Variants in BCAS3 observed in about 807,000 individuals in gnomAD.
BCAS3 encodes the protein BCAS4/BCAS3 fusion.
In BCAS3, 53 loss-of-function variants were observed where a neutral mutation model predicts 116.1. That is an observed-to-expected ratio of 0.46 (90% CI 0.37 to 0.57). The LOEUF (loss-of-function observed/expected upper bound fraction) is 0.57. Ranked by LOEUF, BCAS3 falls within the 20% of genes least tolerant of loss-of-function variation. The probability of loss-of-function intolerance (pLI) is 0.00; values close to 1 mark genes in which losing one functional copy is unlikely to be tolerated. For missense variants in BCAS3, 917 were observed against 1,165.4 expected (o/e 0.79, Z 3.10); for synonymous variants, 391 against 408.2 (o/e 0.96, Z 0.51).
chr17:61,051,379 TGGAGGTTACACC>T lies in BCAS3; in HGVS notation c.2029+10488_2029+10499del, dbSNP rs2068842319. On this transcript the variant is annotated intron_variant, in intron 19 of 23. Coordinates refer to ENST00000407086, the MANE Select transcript of BCAS3 (RefSeq NM_017679.5). This position sits in a 1 kb window ranked among gnomAD's most constrained non-coding sequence, Gnocchi z 4.1. ...GGACAGTTCTGTATCTTGATTGTAG[TGGAGGTTACACC>T]AATTTACACATGTGATAAAATTGAA... 6.6e-6 allele frequency among the ~76,000 whole-genome samples: 1 copy of T among 152,150 alleles called. No homozygotes were observed. Among genetic ancestry groups the T allele is most frequent in the Admixed American group, 6.5e-5 (1 of 15,272 alleles).
At chr17:61,178,734 T>C (rs997988061) in intron 22 of BCAS3, among the ~76,000 whole-genome samples, 5 of 152,178 alleles carry the variant, frequency 3.3e-5, no homozygotes, top group African/African-American at 4.8e-5. Flanking sequence ...ATTTATCAAA[T>C]AGAGGTGGGA....
At chr17:60,948,737 T>C (rs978868514) in intron 14 of BCAS3, among the ~76,000 whole-genome samples, 3 of 152,240 alleles carry the variant, frequency 2.0e-5, no homozygotes, top group African/African-American at 7.2e-5. Context: ...TATTAGGCAT[T>C]ACTCTAGGTT....
chr17:60,680,327 T>C (rs1444865104), intron 2 of BCAS3, among the ~76,000 whole-genome samples: 1 of 152,172 alleles, frequency 6.6e-6, no homozygotes, highest in Non-Finnish European at 1.5e-5. Context: ...GTTTGTTATA[T>C]AGGGAAACTC....
intron 22 of BCAS3, among the ~76,000 whole-genome samples, chr17:61,092,587 G>A (rs1007670368): frequency 5.3e-5 from 8 of 152,126 alleles, no homozygotes; most frequent in Non-Finnish European, 1.0e-4. Context: ...ACTATGGTTT[G>A]AATTTGCTTT....
At chr17:61,242,972 T>C (rs2047649259) in intron 22 of BCAS3, among the ~76,000 whole-genome samples, 1 of 151,798 alleles carries the variant, frequency 6.6e-6, no homozygotes, top group African/African-American at 2.4e-5. Context: ...AGTGCAATGG[T>C]GCGATCTCGG....
At chr17:61,176,172 AAG>A (rs1345444367) in intron 22 of BCAS3, among the ~76,000 whole-genome samples, 2 of 150,004 alleles carry the variant, frequency 1.3e-5, no homozygotes, top group African/African-American at 2.4e-5. Flanking sequence ...GAAAAAGAAA[AAG>A]AAAAAATTTG....
intron 22 of BCAS3, among the ~76,000 whole-genome samples, chr17:61,085,851 T>C (rs2073051913): frequency 6.6e-6 from 1 of 152,238 alleles, no homozygotes; most frequent in Non-Finnish European, 1.5e-5. Context: ...TTTGGAATGA[T>C]CGTTTACAAT....
chr17:61,072,944 C>T (rs1484642315), intron 19 of BCAS3, among the ~76,000 whole-genome samples: 1 of 152,120 alleles, frequency 6.6e-6, no homozygotes, highest in Non-Finnish European at 1.5e-5. Context: ...GCTTTCCAGC[C>T]TCTACATATT....
At position 61,214,307 on chromosome 17, in the gene BCAS3, C is replaced by T. The variant is rs181431149; in HGVS notation, c.2425+129743C>T. ...GTTTGAACCTGGGAGGTGGAGGTTG[C>T]GGTGAGCTGAGATCATGCCATTGCA... On this transcript the variant is annotated intron_variant, in intron 22 of 23. Transcript: ENST00000407086. The surrounding 1 kb of genome is among the most constrained non-coding windows in gnomAD (Gnocchi z 4.4). Among the ~76,000 whole-genome samples the T allele has an allele frequency of 7.2e-5, 11 of 151,998 alleles. No homozygotes were observed. Among genetic ancestry groups the T allele is most frequent in the Middle Eastern group, 3.4e-3 (1 of 294 alleles).
rs2049052917 is a variant in BCAS3 at position 61,259,859 on chromosome 17, G to C, written c.2426-108468G>C. ...TTTGCCATAAGGCATGTCACTCTGT[G>C]GCATCTTACTGAATAGGATATGCTT... On this transcript the variant is annotated intron_variant, in intron 22 of 23. Transcript: ENST00000407086. The surrounding 1 kb of genome is among the most constrained non-coding windows in gnomAD (Gnocchi z 4.7). Among the ~76,000 whole-genome samples, 1 of 152,120 alleles carries C rather than the reference G, an allele frequency of 6.6e-6. No individual in the cohort carries two copies. The highest frequency in any genetic ancestry group is 1.5e-5 in the Non-Finnish European group (1 of 68,022).
intron 7 of BCAS3, among the ~76,000 whole-genome samples, chr17:60,815,285 G>C (rs1012090291): frequency 6.6e-6 from 1 of 152,038 alleles, no homozygotes; most frequent in Non-Finnish European, 1.5e-5. Context: ...CACACACCGG[G>C]GCCTGTCATG....
Position 61,235,165 on chromosome 17 carries a change from G to A in BCAS3, c.2426-133162G>A, listed in dbSNP as rs558927123. Among the ~76,000 whole-genome samples, 1 of 152,128 alleles carries A rather than the reference G, an allele frequency of 6.6e-6. No individual in the cohort carries two copies. Among genetic ancestry groups the A allele is most frequent in the Admixed American group, 6.5e-5 (1 of 15,274 alleles). On this transcript the variant is annotated intron_variant, in intron 22 of 23. Coordinates refer to ENST00000407086, the MANE Select transcript of BCAS3 (RefSeq NM_017679.5). This position sits in a 1 kb window ranked among gnomAD's most constrained non-coding sequence, Gnocchi z 5.0. ...GTCTTCCAAAGTGCTGGGATTATAG[G>A]CGTGAACCACCACGCCTGGCTGTCT...
chr17:60,889,705 A>T lies in BCAS3; in HGVS notation c.672A>T (p.Pro224=). ...TKKFFVTSCY[P]CPGPNMNPIA... ...TTTGAAATTTTTCAGGCTGCTATCC[A>T]TGTCCAGGGCCAAACATGAATCCTA... Residue 224 remains proline (P), a synonymous_variant, in exon 10 of 24, where the codon CCA becomes CCT. Transcript: ENST00000407086. 6.2e-7 allele frequency: 1 copy of T among 1,613,218 alleles called. No individual in the cohort carries two copies. The highest frequency in any genetic ancestry group is 8.5e-7 in the Non-Finnish European group (1 of 1,179,834).
intron 19 of BCAS3, among the ~76,000 whole-genome samples, chr17:61,060,003 AGAAG>A (rs764819581): frequency 8.5e-5 from 13 of 152,184 alleles, no homozygotes; most frequent in African/African-American, 1.2e-4. Context: ...AATGAAAGAA[AGAAG>A]GGAGTGAGGA....
intron 14 of BCAS3, among the ~76,000 whole-genome samples, chr17:60,971,435 A>G (rs1227144477): frequency 6.6e-6 from 1 of 152,222 alleles, no homozygotes; most frequent in African/African-American, 2.4e-5. Flanking sequence ...ATGAATGGGC[A>G]CAGTTGGCCC....
intron 18 of BCAS3, 64 bp downstream of exon 18, chr17:61,038,118 A>T: frequency 1.4e-6 from 2 of 1,457,410 alleles, no homozygotes; most frequent in South Asian, 2.6e-5. Flanking sequence ...TTAAAAGCGT[A>T]TAATTTGATA....
intron 21 of BCAS3, among the ~76,000 whole-genome samples, chr17:61,079,106 T>G (rs2143494156): frequency 6.6e-6 from 1 of 152,272 alleles, no homozygotes; most frequent in East Asian, 1.9e-4. Context: ...CAGTTTTGAC[T>G]TGCAGTCTCA....
chr17:60,791,614 C>T (rs1228167088), intron 6 of BCAS3, among the ~76,000 whole-genome samples: 2 of 152,032 alleles, frequency 1.3e-5, no homozygotes, highest in Non-Finnish European at 2.9e-5. Flanking sequence ...TGATGTCCAG[C>T]CTAGGTGACA....
intron 22 of BCAS3, among the ~76,000 whole-genome samples, chr17:61,329,343 A>ATTTTTTT (rs35909318): frequency 4.6e-5 from 6 of 131,268 alleles, no homozygotes; most frequent in Non-Finnish European, 9.4e-5. Flanking sequence ...TATTATTATT[A>ATTTTTTT]TTTTTTTTTT....
Sources: gnomAD v4.1 joint callset for allele counts (sites outside exome capture counted in the v4.1 genomes callset) on GRCh38, gnomAD v4.1.1 for gene constraint, Gnocchi (gnomAD v3.1) non-coding constraint, MANE v1.5 for transcripts, NCBI Gene and HGNC (gene_info 2026-07-23, HGNC 2026-07-21) for gene names.